The following PARG variants were observed in gnomAD, a reference collection of about 807,000 sequenced individuals.
PARG encodes the protein mitochondrial poly(ADP-ribose) glycohydrolase.
PARG carries 35 observed loss-of-function variants against 113.0 expected under a neutral mutation model. The observed-to-expected ratio is 0.31, with a 90% CI of 0.24 to 0.41. The LOEUF is 0.41. PARG is among the 10% of genes least tolerant of loss of function. The pLI, the probability that PARG is intolerant of heterozygous loss-of-function variation, is 1.00. For synonymous variants in PARG, 330 were observed against 409.9 expected, an observed-to-expected ratio of 0.81 and a Z score of 2.36; for missense variants, 797 against 1,169.4, an observed-to-expected ratio of 0.68 and a Z score of 4.64.
At chr10:49,848,076 C>T (rs1235092101) in intron 13 of PARG, among the ~76,000 whole-genome samples, 1 of 152,066 alleles carries the variant, frequency 6.6e-6, no homozygotes, top group East Asian at 1.9e-4. Context: ...TAAGGCCAGG[C>T]GGGGTGGCTC....
In PARG at chr10:49,869,677, T is replaced by C. The variant is rs1846697554; in HGVS notation, c.1989-122A>G. The C allele has an allele frequency of 6.8e-6, 4 of 592,410 alleles. No individual in the cohort carries two copies. In the East Asian group the frequency reaches 1.2e-4, roughly 18 times the overall value. 36.7% of individuals were successfully genotyped at this position (592,410 alleles called of 1,614,324 possible). The stretch of plus-strand genomic sequence containing the variant: ...ATAATTCTTCCAGAAGACAATTCTG[T>C]AATGATAAGAACTGGAAAATTGGTT... On this transcript the variant is annotated intron_variant, in intron 9 of 17. Transcript: ENST00000616448.
At chr10:49,882,250 T>A (rs1847250911) in intron 8 of PARG, among the ~76,000 whole-genome samples, 2 of 150,760 alleles carry the variant, frequency 1.3e-5, no homozygotes, top group Admixed American at 6.6e-5. Flanking sequence ...GGCTGGTTAC[T>A]GTGAACCAAG....
intron 15 of PARG, among the ~76,000 whole-genome samples, chr10:49,838,597 G>GC (rs1208185249): frequency 6.6e-6 from 1 of 151,998 alleles, no homozygotes; most frequent in Admixed American, 6.6e-5. Flanking sequence ...AAATAGTTAT[G>GC]CCTCCCTGAG....
chr10:49,845,991 G>A (rs1554833253), intron 13 of PARG, among the ~76,000 whole-genome samples: 2 of 150,712 alleles, frequency 1.3e-5, no homozygotes, highest in East Asian at 1.9e-4. Flanking sequence ...AGCAATACCC[G>A]AATTAGTGTT....
At chr10:49,911,425 T>TA (rs1272420101) in intron 7 of PARG, among the ~76,000 whole-genome samples, 2 of 152,176 alleles carry the variant, frequency 1.3e-5, no homozygotes, top group African/African-American at 4.8e-5. Context: ...GAATATAAAT[T>TA]ACAGAAGTGT....
At chr10:49,859,814 A>T (rs1846171540) in intron 12 of PARG, among the ~76,000 whole-genome samples, 1 of 152,222 alleles carries the variant, frequency 6.6e-6, no homozygotes, top group African/African-American at 2.4e-5. Context: ...AAAGTCTTTT[A>T]GAAAACCAAA....
At chr10:49,833,027 TC>T in intron 15 of PARG, 119 bp from the exon 16 acceptor site, 2 of 514,130 alleles carry the variant, frequency 3.9e-6, no homozygotes, top group Non-Finnish European at 3.4e-6. Context: ...ATTTTTTTTT[TC>T]CATAGGGGCC....
At chr10:49,923,707 G>A (rs1838008330) in intron 4 of PARG, among the ~76,000 whole-genome samples, 1 of 151,306 alleles carries the variant, frequency 6.6e-6, no homozygotes, top group South Asian at 2.1e-4. Context: ...GTGATCAGCA[G>A]CTTCCTGTTA....
Position 49,892,743 on chromosome 10 carries a change from T to A in PARG, c.1738-7448A>T, listed in dbSNP as rs373311446. 2.0e-5 allele frequency among the ~76,000 whole-genome samples: 3 copies of A among 152,188 alleles called. No individual in the cohort carries two copies. The South Asian group carries it at 6.2e-4, about 32-fold the overall frequency. The stretch of plus-strand genomic sequence containing the variant: ...ATGCATTTTTTAATGCGTTTTGAGG[T>A]AAGTTGCAAGCATTCCACCCCATCA... On this transcript the variant is annotated intron_variant, in intron 7 of 17. Transcript: ENST00000616448.
intron 7 of PARG, among the ~76,000 whole-genome samples, chr10:49,901,691 C>T (rs1848354117): frequency 6.6e-6 from 1 of 151,852 alleles, no homozygotes; most frequent in African/African-American, 2.4e-5. Flanking sequence ...GTAGTTAAAA[C>T]AAATGCTATT....
At position 49,920,451 on chromosome 10, in the gene PARG, T is replaced by TAAAAAAAAAAAA. The variant is rs781928566; in HGVS notation, c.1662+1873_1662+1884dup. Among the ~76,000 whole-genome samples the TAAAAAAAAAAAA allele has an allele frequency of 3.7e-3, 146 of 39,704 alleles. 2 individuals carry two copies. The highest frequency in any genetic ancestry group is 5.3e-3 in the Non-Finnish European group (119 of 22,654). The allele number at this position is 39,704 out of a possible 152,430, so 26.0% of individuals were successfully genotyped here. A position where few individuals can be genotyped will look rare whatever the true frequency, so the allele number is the denominator to read the frequency against. On this transcript the variant is annotated intron_variant, in intron 6 of 17. Coordinates refer to ENST00000616448, the MANE Select transcript of PARG (RefSeq NM_003631.5). ...GATGGAGCAAGACCCAGCCTCAAAT[T>TAAAAAAAAAAAA]AAAAAAAAAAAAATATATATATATA...
chr10:49,832,653 T>C (rs549336619), intron 16 of PARG, 150 bp downstream of exon 16: 115 of 546,048 alleles, frequency 2.1e-4, no homozygotes, highest in Non-Finnish European at 2.6e-4. Context: ...CCTTCAAACA[T>C]AATAGGAAAA....
Position 49,888,697 on chromosome 10 carries a change from G to GAATT in PARG, c.1738-3406_1738-3403dup, listed in dbSNP as rs559479272. Among the ~76,000 whole-genome samples, 215 of 152,216 alleles carry GAATT rather than the reference G, an allele frequency of 1.4e-3. 1 individual carries two copies. Among genetic ancestry groups the GAATT allele is most frequent in the African/African-American group, 5.0e-3 (207 of 41,558 alleles). On this transcript the variant is annotated intron_variant, in intron 7 of 17. Coordinates refer to ENST00000616448, the MANE Select transcript of PARG (RefSeq NM_003631.5). Reference sequence around the variant, plus strand: ...ATGTAATTATAGTATGTCTTGGTATGAATTTCTTTGGGTTTATCCTACTTA... The same window carrying GAATT: ...ATGTAATTATAGTATGTCTTGGTATGAATTAATTTCTTTGGGTTTATCCTACTTA...
In PARG at chr10:49,922,578, G is replaced by C; in HGVS notation, c.1547C>G (p.Ser516Ter). Residue 516 changes from serine to a stop codon, truncating the protein, a stop_gained, in exon 5 of 18, where the codon TCA becomes TGA. Transcript: ENST00000616448. LOFTEE classifies it high-confidence loss of function. ...TTCCACTGGGTACAAATTTTGTTCT[G>C]AACAAGGCATTTTAACATGCTTGTT... ...WDNKHVKMPC[S>*]EQNLYPVEDE... is the part of the protein sequence containing the mutation. 1 of 1,610,698 alleles carries C rather than the reference G, an allele frequency of 6.2e-7. No individual in the cohort carries two copies. Among genetic ancestry groups the C allele is most frequent in the Non-Finnish European group, 8.5e-7 (1 of 1,179,456 alleles).
intron 7 of PARG, among the ~76,000 whole-genome samples, chr10:49,901,289 A>T (rs879994568): frequency 2.0e-5 from 3 of 151,738 alleles, no homozygotes; most frequent in South Asian, 4.2e-4. Context: ...TTTTAAAAAA[A>T]TTTTTGTAGC....
intron 7 of PARG, among the ~76,000 whole-genome samples, chr10:49,910,721 T>C (rs1446735185): frequency 1.3e-5 from 2 of 152,228 alleles, no homozygotes; most frequent in African/African-American, 4.8e-5. Context: ...GTTTGCTATA[T>C]AAATCAATTG....
At chr10:49,882,590 A>G (rs1215700519) in intron 8 of PARG, among the ~76,000 whole-genome samples, 2 of 152,234 alleles carry the variant, frequency 1.3e-5, no homozygotes, top group Non-Finnish European at 2.9e-5. Flanking sequence ...GACTTGTTAT[A>G]GCTTACAAAG....
chr10:49,936,794 G>C (rs1406854619), intron 1 of PARG, among the ~76,000 whole-genome samples: 1 of 151,950 alleles, frequency 6.6e-6, no homozygotes, highest in Non-Finnish European at 1.5e-5. Context: ...AAAAATCAAT[G>C]GTTTATTTTT....
In PARG at chr10:49,913,501, A is replaced by T. The variant is rs1423138591; in HGVS notation, c.1737+2416T>A. Among the ~76,000 whole-genome samples the T allele has an allele frequency of 3.9e-5, 6 of 152,260 alleles. No individual in the cohort carries two copies. The East Asian group carries it at 1.2e-3, about 29-fold the overall frequency. ...ACATACATTTATGTCTAGCTATAAG[A>T]CATCATATATATGGGCAAAGACTTA... On this transcript the variant is annotated intron_variant, in intron 7 of 17. Transcript: ENST00000616448.
Sources: allele counts gnomAD v4.1 joint callset (sites outside exome capture counted in the v4.1 genomes callset), GRCh38; gene constraint gnomAD v4.1.1; transcripts MANE v1.5; gene names NCBI Gene and HGNC (gene_info 2026-07-23, HGNC 2026-07-21).